CDC42EP1: variants seen among roughly 807,000 people sequenced by gnomAD.
CDC42EP1 encodes the protein CDC42 effector protein 1, also known as 55 kDa bone marrow stromal/endothelial cell protein.
In CDC42EP1, 6 loss-of-function variants were observed where a neutral mutation model predicts 7.4. The observed-to-expected ratio is 0.81, with a 90% CI of 0.44 to 1.60. The LOEUF (loss-of-function observed/expected upper bound fraction) is 1.60, where lower values mean the gene tolerates loss of function less well. CDC42EP1 is among the 40% of genes most tolerant of loss of function. CDC42EP1 has a pLI of 0.01. For synonymous variants in CDC42EP1, 238 were observed against 227.1 expected (o/e 1.05, Z -0.43); for missense variants, 567 against 539.0 (o/e 1.05, Z -0.51).
rs1294092014 is a variant in CDC42EP1 at position 37,566,794 on chromosome 22, G to A, written c.445G>A (p.Asp149Asn). ...SFDSSPTSST[D>N]GHSSYGLDSG... The stretch of plus-strand genomic sequence containing the variant: ...CGACAGCAGCCCCACCAGCTCCACG[G>A]ACGGCCACTCCAGCTACGGTGAGGG... The change falls in exon 2 of 3, where the codon GAC becomes AAC. Residue 149 changes from aspartate (D) to asparagine (N), a missense_variant. Asp to Asn is a conservative substitution (Grantham distance 23). Transcript: ENST00000249014. This position sits in a 1 kb window ranked among gnomAD's most constrained non-coding sequence, Gnocchi z 6.4. 1.3e-6 allele frequency: 2 copies of A among 1,567,354 alleles called. No homozygotes were observed. The highest frequency in any genetic ancestry group is 1.7e-6 in the Non-Finnish European group (2 of 1,157,832).
intron 1 of CDC42EP1, among the ~76,000 whole-genome samples, chr22:37,562,496 C>T (rs183277639): frequency 6.6e-6 from 1 of 152,330 alleles, no homozygotes; most frequent in Admixed American, 6.5e-5. Context: ...CTGCCCTGCT[C>T]CAGTATCTGA....
At chr22:37,561,552 C>T (rs1282194905) in intron 1 of CDC42EP1, among the ~76,000 whole-genome samples, 1 of 152,252 alleles carries the variant, frequency 6.6e-6, no homozygotes, top group Non-Finnish European at 1.5e-5. Flanking sequence ...CCCGTTCTGG[C>T]CTCAGTTTCC....
chr22:37,568,719 A>G lies in CDC42EP1; in HGVS notation c.1075A>G (p.Arg359Gly), dbSNP rs750580772. ...CTGGGAGAGCCTGGACGAAGAGTGG[A>G]GGGCGCCCCAGGCAGGCAGCAGGAC... Reference protein sequence around the residue: ...ASWESLDEEWRAPQAGSRTPV... With the variant: ...ASWESLDEEWGAPQAGSRTPV... Residue 359 changes from arginine to glycine, a missense_variant, in exon 3 of 3, where the codon AGG (arginine) becomes GGG (glycine). Coordinates refer to ENST00000249014, the MANE Select transcript of CDC42EP1 (RefSeq NM_152243.3). 8.5e-6 allele frequency: 13 copies of G among 1,526,486 alleles called. No homozygotes were observed. In the African/African-American group the frequency reaches 1.8e-4, roughly 21 times the overall value. The allele number at this position is 1,526,486 out of a possible 1,614,324, so 94.6% of individuals were successfully genotyped here.
intron 1 of CDC42EP1, among the ~76,000 whole-genome samples, chr22:37,563,941 C>CTAGA (rs762539252): frequency 5.9e-5 from 9 of 152,184 alleles, no homozygotes; most frequent in Non-Finnish European, 1.2e-4. Context: ...AGAGCCCAAG[C>CTAGA]TAGATGCCCA....
rs767599984 is a variant in CDC42EP1 at position 37,568,716 on chromosome 22, T to A, written c.1072T>A (p.Trp358Arg). 1.3e-6 allele frequency: 2 copies of A among 1,527,962 alleles called. No individual in the cohort carries two copies. The highest frequency in any genetic ancestry group is 1.8e-6 in the Non-Finnish European group (2 of 1,138,712). The allele number at this position is 1,527,962 out of a possible 1,614,324, so 94.7% of individuals were successfully genotyped here. ...CTCCTGGGAGAGCCTGGACGAAGAG[T>A]GGAGGGCGCCCCAGGCAGGCAGCAG... is the stretch of plus-strand genomic sequence containing the variant. ...RASWESLDEE[W>R]RAPQAGSRTP... Residue 358 changes from tryptophan (W) to arginine (R), a missense_variant, in exon 3 of 3, where the codon TGG becomes AGG. Transcript: ENST00000249014.
rs571289925 is a variant in CDC42EP1, at chr22:37,566,164, C to T, written c.-186C>T. The stretch of plus-strand genomic sequence containing the variant: ...TAGCTGCTTCTGAGGGGCTGGGAGC[C>T]GGGCCCCTGGGAGAGACGAGCCATG... On this transcript the variant is annotated 5_prime_UTR_variant, in exon 2 of 3. Coordinates refer to ENST00000249014, the MANE Select transcript of CDC42EP1 (RefSeq NM_152243.3). This position sits in a 1 kb window ranked among gnomAD's most constrained non-coding sequence, Gnocchi z 6.4. The T allele has an allele frequency of 3.5e-5, 16 of 454,518 alleles. No individual in the cohort carries two copies. Among genetic ancestry groups the T allele is most frequent in the South Asian group, 4.8e-5 (1 of 20,982 alleles). 28.2% of individuals were successfully genotyped at this position (454,518 alleles called of 1,614,324 possible).
intron 1 of CDC42EP1, among the ~76,000 whole-genome samples, chr22:37,565,155 C>A (rs1925183672): frequency 6.7e-6 from 1 of 150,292 alleles, no homozygotes; most frequent in South Asian, 2.1e-4. Context: ...TAAGTGGGCC[C>A]TGCAGAATAA....
In CDC42EP1 at chr22:37,566,958, C is replaced by G; in HGVS notation, c.463+146C>G. ...CCACATCATGGATGGGGAGGGGGTG[C>G]AGTGGTGGGAACAAGCTGACTCCCC... On this transcript the variant is annotated intron_variant, in intron 2 of 2. Coordinates refer to ENST00000249014, the MANE Select transcript of CDC42EP1 (RefSeq NM_152243.3). This position sits in a 1 kb window ranked among gnomAD's most constrained non-coding sequence, Gnocchi z 6.4. The G allele has an allele frequency of 1.8e-6, 1 of 553,992 alleles. No homozygotes were observed. Among genetic ancestry groups the G allele is most frequent in the Non-Finnish European group, 3.0e-6 (1 of 330,358 alleles). 34.3% of individuals were successfully genotyped at this position (553,992 alleles called of 1,614,324 possible). A position where few individuals can be genotyped will look rare whatever the true frequency, so the allele number is the denominator to read the frequency against.
intron 1 of CDC42EP1, among the ~76,000 whole-genome samples, chr22:37,564,043 A>G (rs1420297035): frequency 6.6e-6 from 1 of 152,214 alleles, no homozygotes; most frequent in African/African-American, 2.4e-5. Flanking sequence ...CAAGCCAGTC[A>G]AGGGCTTATG....
chr22:37,562,171 C>T (rs1162608943), intron 1 of CDC42EP1, among the ~76,000 whole-genome samples: 1 of 152,236 alleles, frequency 6.6e-6, no homozygotes, highest in African/African-American at 2.4e-5. Context: ...CCCCATTCCC[C>T]ATCGTCTTCA....
chr22:37,560,639 G>C (rs938896546), intron 1 of CDC42EP1, 51 bp downstream of exon 1: 42 of 150,706 alleles, frequency 2.8e-4, no homozygotes, highest in African/African-American at 9.7e-4. Context: ...GGAGGCCGGC[G>C]GGTCCCGGCG....
rs111307192 is a variant in CDC42EP1, at chr22:37,566,733, C to T, written c.384C>T (p.Ala128=). 25,761 of 1,610,528 alleles carry T rather than the reference C, an allele frequency of 0.016. 281 individuals are homozygous for T. The highest frequency in any genetic ancestry group is 0.019 in the Non-Finnish European group (22,141 of 1,178,390). The change falls in exon 2 of 3, where the codon GCC becomes GCT. Residue 128 remains alanine (A), a synonymous_variant. Coordinates refer to ENST00000249014, the MANE Select transcript of CDC42EP1 (RefSeq NM_152243.3). This position sits in a 1 kb window ranked among gnomAD's most constrained non-coding sequence, Gnocchi z 6.4. The part of the protein sequence containing the change: ...NAISLPQLNQ[A]AYDSLVVGKL... The stretch of plus-strand genomic sequence containing the variant: ...TCTCCCTGCCCCAGCTCAACCAGGC[C>T]GCCTACGACAGCCTCGTGGTTGGCA...
intron 1 of CDC42EP1, among the ~76,000 whole-genome samples, chr22:37,563,231 A>G (rs73166464): frequency 7.6e-4 from 115 of 152,294 alleles, no homozygotes; most frequent in Admixed American, 1.8e-3. Context: ...CTTCCCCCAG[A>G]GATGCATCCT....
At chr22:37,564,358 G>A (rs2076087) in intron 1 of CDC42EP1, 84,166 of 152,102 alleles carry the variant, frequency 0.55, 26,637 homozygotes, top group African/African-American at 0.88. Flanking sequence ...TCCTACGTCA[G>A]TTTGACAAAC....
Position 37,569,173 on chromosome 22 carries a change from C to T in CDC42EP1, c.*353C>T, listed in dbSNP as rs747120245. ...GGGGGGTGGGGGGCAGGGAGTGTACCACACAGGGCCATTGTCTCACCTCCC... is the reference window on the plus strand; with the variant it reads ...GGGGGGTGGGGGGCAGGGAGTGTACTACACAGGGCCATTGTCTCACCTCCC... On this transcript the variant is annotated 3_prime_UTR_variant, in exon 3 of 3. Coordinates refer to ENST00000249014, the MANE Select transcript of CDC42EP1 (RefSeq NM_152243.3). 4.8e-5 allele frequency: 9 copies of T among 186,562 alleles called. No homozygotes were observed. The highest frequency in any genetic ancestry group is 8.8e-5 in the Non-Finnish European group (8 of 91,242). The allele number at this position is 186,562 out of a possible 1,614,324, so 11.6% of individuals were successfully genotyped here.
Position 37,568,234 on chromosome 22 carries a change from G to T in CDC42EP1, c.590G>T (p.Arg197Leu), listed in dbSNP as rs375221026. ...LRRSDSLLSF[R>L]LDLDLGPSLL... is the part of the protein sequence containing the mutation. ...CGCTCTGACTCTCTCTTGTCCTTCCGCCTGGACCTCGACCTTGGGCCCTCA... is the reference window on the plus strand; with the variant it reads ...CGCTCTGACTCTCTCTTGTCCTTCCTCCTGGACCTCGACCTTGGGCCCTCA... The change falls in exon 3 of 3, where the codon CGC (arginine) becomes CTC (leucine). Residue 197 changes from arginine (R) to leucine (L), a missense_variant. Transcript: ENST00000249014. 1.2e-5 allele frequency: 20 copies of T among 1,613,640 alleles called. No homozygotes were observed. Among genetic ancestry groups the T allele is most frequent in the Admixed American group, 1.2e-4 (7 of 60,000 alleles).
At position 37,566,493 on chromosome 22, in the gene CDC42EP1, C is replaced by A; in HGVS notation, c.144C>A (p.Thr48=). The A allele has an allele frequency of 6.2e-7, 1 of 1,613,318 alleles. No homozygotes were observed. The highest frequency in any genetic ancestry group is 1.7e-4 in the Middle Eastern group (1 of 6,056). ...ISHPLGDFRH[T]MHVGRGGDVF... ...ACCCACTCGGGGACTTCCGCCACAC[C>A]ATGCATGTGGGCCGTGGCGGGGATG... is the stretch of plus-strand genomic sequence containing the variant. The change falls in exon 2 of 3, where the codon ACC becomes ACA. Residue 48 remains threonine, a synonymous_variant. Transcript: ENST00000249014. The surrounding 1 kb of genome is among the most constrained non-coding windows in gnomAD (Gnocchi z 6.4).
At position 37,566,251 on chromosome 22, in the gene CDC42EP1, G is replaced by A. The variant is rs914595744; in HGVS notation, c.-99G>A. 8.2e-5 allele frequency: 57 copies of A among 693,228 alleles called. No individual in the cohort carries two copies. Among genetic ancestry groups the A allele is most frequent in the East Asian group, 2.3e-4 (8 of 34,974 alleles). 42.9% of individuals were successfully genotyped at this position (693,228 alleles called of 1,614,324 possible). Reference sequence around the variant, plus strand: ...TAGGAGAGTGCCATTTACAGCTTCCGCCAGGGCAAAGGAGCTGAGCAGCCA... The same window carrying A: ...TAGGAGAGTGCCATTTACAGCTTCCACCAGGGCAAAGGAGCTGAGCAGCCA... On this transcript the variant is annotated 5_prime_UTR_variant, in exon 2 of 3. Transcript: ENST00000249014. The surrounding 1 kb of genome is among the most constrained non-coding windows in gnomAD (Gnocchi z 6.4).
rs768991551 is a variant in CDC42EP1, at chr22:37,566,543, G to A, written c.194G>A (p.Ser65Asn). The A allele has an allele frequency of 1.7e-5, 27 of 1,609,494 alleles. No individual in the cohort carries two copies. Among genetic ancestry groups the A allele is most frequent in the Non-Finnish European group, 2.0e-5 (24 of 1,176,784 alleles). The change falls in exon 2 of 3, where the codon AGC becomes AAC. Residue 65 changes from serine to asparagine, a missense_variant. Physicochemically the swap from Ser to Asn is conservative, Grantham distance 46 (BLOSUM62 1). Coordinates refer to ENST00000249014, the MANE Select transcript of CDC42EP1 (RefSeq NM_152243.3). This position sits in a 1 kb window ranked among gnomAD's most constrained non-coding sequence, Gnocchi z 6.4. ...GDVFGDTSFL[S>N]NHGGSSGSTH... Reference sequence around the variant, plus strand: ...GTCTTCGGGGACACGTCCTTCCTCAGCAACCACGGTGGCAGCTCCGGGAGC... The same window carrying A: ...GTCTTCGGGGACACGTCCTTCCTCAACAACCACGGTGGCAGCTCCGGGAGC...
Sources: gnomAD v4.1 joint callset for allele counts (sites outside exome capture counted in the v4.1 genomes callset) on GRCh38, gnomAD v4.1.1 for gene constraint, Gnocchi (gnomAD v3.1) non-coding constraint, MANE v1.5 for transcripts, NCBI Gene and HGNC (gene_info 2026-07-23, HGNC 2026-07-21) for gene names.